EVA1C: variants seen among roughly 807,000 people sequenced by gnomAD.
The protein encoded by EVA1C is eva-1 homolog C.
EVA1C carries 25 observed loss-of-function variants against 45.4 expected under a neutral mutation model. That is an observed-to-expected ratio of 0.55 (90% CI 0.40 to 0.77). The LOEUF is 0.77. Among genes scored for constraint, EVA1C ranks in the 30% least tolerant of loss-of-function variants. The pLI is 0.00. For synonymous variants in EVA1C, 190 were observed against 221.2 expected (o/e 0.86, Z 1.25); for missense variants, 479 against 554.8 (o/e 0.86, Z 1.37).
intron 3 of EVA1C, among the ~76,000 whole-genome samples, chr21:32,460,325 T>C (rs1172344038): frequency 6.6e-6 from 1 of 152,184 alleles, no homozygotes; most frequent in Non-Finnish European, 1.5e-5. Context: ...GCTTTCTCTG[T>C]CCAAAAAACA....
chr21:32,418,898 G>A (rs908348936), intron 1 of EVA1C, among the ~76,000 whole-genome samples: 3 of 152,176 alleles, frequency 2.0e-5, no homozygotes, highest in Non-Finnish European at 4.4e-5. Context: ...CAAAGTGGGT[G>A]CACTCACAAA....
chr21:32,456,610 T>A (rs1411400500), intron 2 of EVA1C, among the ~76,000 whole-genome samples: 1 of 152,216 alleles, frequency 6.6e-6, no homozygotes, highest in Admixed American at 6.5e-5. Context: ...CGAGCTACTA[T>A]GAGAACATGG....
At chr21:32,465,547 A>G (rs1188133177) in intron 3 of EVA1C, among the ~76,000 whole-genome samples, 1 of 152,258 alleles carries the variant, frequency 6.6e-6, no homozygotes, top group Non-Finnish European at 1.5e-5. Context: ...TTTTCTTTAC[A>G]AAATGTTGGC....
At chr21:32,439,299 A>G (rs1274797520) in intron 1 of EVA1C, among the ~76,000 whole-genome samples, 23 of 150,864 alleles carry the variant, frequency 1.5e-4, no homozygotes, top group African/African-American at 5.4e-4. Flanking sequence ...GATGAAGGGG[A>G]GTGAATAAAG....
chr21:32,438,486 CAAAAAAAAAAAA>C (rs35688820), intron 1 of EVA1C, among the ~76,000 whole-genome samples: 2 of 57,274 alleles, frequency 3.5e-5, no homozygotes, highest in Non-Finnish European at 6.4e-5. Flanking sequence ...GACTCTGTCT[CAAAAAAAAAAAA>C]AAAAAAAAAA....
intron 1 of EVA1C, among the ~76,000 whole-genome samples, chr21:32,431,580 A>T (rs186792745): frequency 2.7e-4 from 41 of 152,304 alleles, no homozygotes; most frequent in Non-Finnish European, 4.4e-4. Context: ...AGATGATCCT[A>T]TTACATCGCC....
intron 4 of EVA1C, among the ~76,000 whole-genome samples, chr21:32,491,635 G>C (rs1416361436): frequency 7.6e-6 from 1 of 131,274 alleles, no homozygotes; most frequent in Non-Finnish European, 1.5e-5. Context: ...AGTGAGCCAA[G>C]ACTGCACCAC....
intron 1 of EVA1C, 65 bp downstream of exon 1, chr21:32,413,078 G>A: frequency 2.4e-6 from 3 of 1,267,420 alleles, no homozygotes; most frequent in Non-Finnish European, 3.0e-6. Context: ...ACCCTCGACT[G>A]GGGGCAGCCG....
chr21:32,428,970 A>G (rs2034591851), intron 1 of EVA1C, among the ~76,000 whole-genome samples: 1 of 152,036 alleles, frequency 6.6e-6, no homozygotes, highest in Admixed American at 6.6e-5. Context: ...TCAGGGTCCA[A>G]GGCTGATTCT....
chr21:32,515,381 AAG>A lies in EVA1C; in HGVS notation c.*194_*195del. The A allele has an allele frequency of 2.1e-6, 1 of 476,230 alleles. No individual in the cohort carries two copies. The allele number at this position is 476,230 out of a possible 1,614,324, so 29.5% of individuals were successfully genotyped here. A position where few individuals can be genotyped will look rare whatever the true frequency, so the allele number is the denominator to read the frequency against. On this transcript the variant is annotated 3_prime_UTR_variant, in exon 8 of 8. Coordinates refer to ENST00000300255, the MANE Select transcript of EVA1C (RefSeq NM_058187.5). ...CACATTCCAAAATAAATGAGGAGGG[AAG>A]AGTCTTTGTTTTCTGTATTTCTTTG... is the stretch of plus-strand genomic sequence containing the variant.
chr21:32,511,802 G>C (rs1298476185), intron 7 of EVA1C, among the ~76,000 whole-genome samples: 1 of 152,162 alleles, frequency 6.6e-6, no homozygotes, highest in Non-Finnish European at 1.5e-5. Flanking sequence ...TCCTAGGGTA[G>C]TACCCAAGAG....
At chr21:32,450,587 C>G (rs2035545974) in intron 1 of EVA1C, among the ~76,000 whole-genome samples, 1 of 152,054 alleles carries the variant, frequency 6.6e-6, no homozygotes, top group Admixed American at 6.5e-5. Flanking sequence ...GGGTGCCAGC[C>G]TGGGGCACTT....
chr21:32,460,520 C>G (rs1179591595), intron 3 of EVA1C, among the ~76,000 whole-genome samples: 1 of 152,116 alleles, frequency 6.6e-6, no homozygotes, highest in African/African-American at 2.4e-5. Flanking sequence ...CATTGTTACC[C>G]CAGAGGAACA....
chr21:32,445,982 A>ATG (rs1164740871), intron 1 of EVA1C, among the ~76,000 whole-genome samples: 1 of 152,048 alleles, frequency 6.6e-6, no homozygotes, highest in East Asian at 1.9e-4. Flanking sequence ...GGTGGCTTAC[A>ATG]CCTGTAATCC....
chr21:32,428,830 T>C (rs2034586969), intron 1 of EVA1C: 2 of 152,230 alleles, frequency 1.3e-5, no homozygotes, highest in Non-Finnish European at 2.9e-5. Flanking sequence ...ATCATTATTA[T>C]TATTCAAGCA....
intron 4 of EVA1C, among the ~76,000 whole-genome samples, chr21:32,490,434 G>A (rs191875173): frequency 9.9e-5 from 15 of 152,270 alleles, no homozygotes; most frequent in Middle Eastern, 6.8e-3. Flanking sequence ...CAGATGGGTG[G>A]TGGGGGATCT....
chr21:32,507,829 A>G (rs962211278), intron 7 of EVA1C, among the ~76,000 whole-genome samples: 2 of 145,320 alleles, frequency 1.4e-5, no homozygotes, highest in South Asian at 2.3e-4. Context: ...TGTGTGTTGC[A>G]TGTGTGTGCA....
chr21:32,514,758 A>C (rs938387223), intron 7 of EVA1C, 56 bp from the exon 8 acceptor site: 3 of 1,490,702 alleles, frequency 2.0e-6, no homozygotes, highest in Non-Finnish European at 2.7e-6. Flanking sequence ...GGGACTTGGC[A>C]CTGGTGGAGT....
intron 1 of EVA1C, among the ~76,000 whole-genome samples, chr21:32,420,172 T>G (rs1253989842): frequency 1.8e-5 from 2 of 111,594 alleles, no homozygotes; most frequent in Admixed American, 1.0e-4. Context: ...AAAAAATTTT[T>G]ACAGCCTGGC....
Sources: allele counts gnomAD v4.1 joint callset (sites outside exome capture counted in the v4.1 genomes callset), GRCh38; gene constraint gnomAD v4.1.1; transcripts MANE v1.5; gene names NCBI Gene and HGNC (gene_info 2026-07-23, HGNC 2026-07-21).